Variants in DLGAP5 observed in about 807,000 individuals in gnomAD.
DLGAP5 encodes the protein DLG associated protein 5, also known as disks large-associated protein 5.
Under a neutral mutation model 99.6 loss-of-function variants are expected in DLGAP5, and 90 were observed. That is an observed-to-expected ratio of 0.90 (90% CI 0.76 to 1.08). The LOEUF (loss-of-function observed/expected upper bound fraction) is 1.08. DLGAP5 is among the 50% of genes least tolerant of loss of function. The probability of loss-of-function intolerance (pLI) is 0.00; values close to 1 mark genes in which losing one functional copy is unlikely to be tolerated. For synonymous variants in DLGAP5, 311 were observed against 321.3 expected, an observed-to-expected ratio of 0.97 and a Z score of 0.34; for missense variants, 1,036 against 983.5, an observed-to-expected ratio of 1.05 and a Z score of -0.71.
chr14:55,148,189 T>G lies in DLGAP5; in HGVS notation c.*162A>C, dbSNP rs2140300474. The G allele has an allele frequency of 1.4e-6, 1 of 709,158 alleles. No individual in the cohort carries two copies. The highest frequency in any genetic ancestry group is 2.9e-5 in the East Asian group (1 of 34,640). The allele number at this position is 709,158 out of a possible 1,614,324, so 43.9% of individuals were successfully genotyped here. ...ATGTACAAAATATCCCCACTTCCCT[T>G]GAGAAAGAGTATATCTAAAATACAC... On this transcript the variant is annotated 3_prime_UTR_variant, in exon 19 of 19. Coordinates refer to ENST00000247191, the MANE Select transcript of DLGAP5 (RefSeq NM_014750.5).
intron 15 of DLGAP5, among the ~76,000 whole-genome samples, 193 bp downstream of exon 15, chr14:55,154,424 G>A (rs773276286): frequency 1.3e-4 from 20 of 152,070 alleles, no homozygotes; most frequent in African/African-American, 1.7e-4. Flanking sequence ...CCAACTAAAC[G>A]TGACCATTTA....
intron 10 of DLGAP5, among the ~76,000 whole-genome samples, chr14:55,173,264 C>G (rs1307071842): frequency 8.6e-6 from 1 of 116,198 alleles, no homozygotes; most frequent in African/African-American, 3.8e-5. Flanking sequence ...ATAAGACCCC[C>G]GTCTCTACAA....
chr14:55,167,893 A>C (rs1216702968), intron 12 of DLGAP5, among the ~76,000 whole-genome samples: 1 of 152,178 alleles, frequency 6.6e-6, no homozygotes, highest in Non-Finnish European at 1.5e-5. Flanking sequence ...TCTTTATCCC[A>C]GAGTTACATA....
chr14:55,151,887 A>G lies in DLGAP5; in HGVS notation c.2176T>C (p.Leu726=). ...GCTACTCCACCAGCAAGAAGAGGCA[A>G]ACTCATTCTCTCACTGGATAAACAA... is the stretch of plus-strand genomic sequence containing the variant. ...VDCLSSERMS[L]PLLAGGVADD... is the part of the protein sequence containing the mutation. The change falls in exon 17 of 19, where the codon TTG becomes CTG. Residue 726 remains leucine, a synonymous_variant. Transcript: ENST00000247191. 1 of 1,613,974 alleles carries G rather than the reference A, an allele frequency of 6.2e-7. No homozygotes were observed.
At chr14:55,153,946 C>G (rs567954855) in intron 15 of DLGAP5, among the ~76,000 whole-genome samples, 16 of 152,218 alleles carry the variant, frequency 1.1e-4, no homozygotes, top group African/African-American at 3.6e-4. Flanking sequence ...GTCCTAGCTA[C>G]TCGGGAGGCT....
At chr14:55,176,674 G>C (rs998054989) in intron 8 of DLGAP5, among the ~76,000 whole-genome samples, 1 of 151,854 alleles carries the variant, frequency 6.6e-6, no homozygotes, top group Admixed American at 6.6e-5. Flanking sequence ...TAAGAGCATA[G>C]ACCAAATATA....
At chr14:55,166,027 A>G (rs1882631664) in intron 12 of DLGAP5, among the ~76,000 whole-genome samples, 1 of 152,236 alleles carries the variant, frequency 6.6e-6, no homozygotes, top group South Asian at 2.1e-4. Flanking sequence ...TAAATTTACA[A>G]TATGACCTAC....
In DLGAP5 at chr14:55,162,009, T is replaced by C. The variant is rs560302712; in HGVS notation, c.1653+962A>G. Among the ~76,000 whole-genome samples, 13 of 150,520 alleles carry C rather than the reference T, an allele frequency of 8.6e-5. No individual in the cohort carries two copies. In the South Asian group the frequency reaches 2.7e-3, roughly 32 times the overall value. ...ATTACATAGTATAATAAAATACCAA[T>C]CTAGACAACCTGAGTTTATAACTAC... is the stretch of plus-strand genomic sequence containing the variant. On this transcript the variant is annotated intron_variant, in intron 13 of 18. Transcript: ENST00000247191.
At chr14:55,176,853 C>T (rs1883079238) in intron 8 of DLGAP5, among the ~76,000 whole-genome samples, 1 of 151,802 alleles carries the variant, frequency 6.6e-6, no homozygotes, top group Non-Finnish European at 1.5e-5. Context: ...TGACGGGCGC[C>T]TGTAGTCCCA....
intron 15 of DLGAP5, among the ~76,000 whole-genome samples, chr14:55,153,053 A>G (rs1030792315): frequency 6.6e-6 from 1 of 152,202 alleles, no homozygotes; most frequent in South Asian, 2.1e-4. Context: ...TAATCCAGGT[A>G]CCTGCTAAGA....
At chr14:55,162,448 T>C (rs145699001) in intron 13 of DLGAP5, among the ~76,000 whole-genome samples, 1 of 151,842 alleles carries the variant, frequency 6.6e-6, no homozygotes, top group African/African-American at 2.4e-5. Context: ...TGAAACCCCG[T>C]CTCTACTAAA....
chr14:55,187,385 C>T (rs1210921475), intron 2 of DLGAP5, among the ~76,000 whole-genome samples: 2 of 140,950 alleles, frequency 1.4e-5, no homozygotes, highest in African/African-American at 5.5e-5. Flanking sequence ...ATAGCGTGAT[C>T]TCAGCTAACT....
At chr14:55,169,175 C>CAA (rs34906311) in intron 12 of DLGAP5, among the ~76,000 whole-genome samples, 909 of 63,308 alleles carry the variant, frequency 0.014, 29 homozygotes, top group African/African-American at 0.037. Context: ...GACTCCGTCT[C>CAA]AAAAAAAAAA....
chr14:55,182,348 A>G, intron 4 of DLGAP5, 22 bp downstream of exon 4: 1 of 1,592,932 alleles, frequency 6.3e-7, no homozygotes. Flanking sequence ...TTTTAGTAAC[A>G]ATTATCTACT....
chr14:55,173,617 A>G (rs1256052623), intron 10 of DLGAP5, among the ~76,000 whole-genome samples: 1 of 151,264 alleles, frequency 6.6e-6, no homozygotes, highest in Non-Finnish European at 1.5e-5. Flanking sequence ...ATATATATAT[A>G]CATGTTGCAG....
At chr14:55,176,885 G>C (rs1035064641) in intron 8 of DLGAP5, among the ~76,000 whole-genome samples, 177 bp downstream of exon 8, 2 of 138,992 alleles carry the variant, frequency 1.4e-5, no homozygotes, top group African/African-American at 2.7e-5. Context: ...GGCTGAGGCA[G>C]AAGAATGGCG....
intron 14 of DLGAP5, among the ~76,000 whole-genome samples, chr14:55,156,903 G>A (rs1187657828): frequency 1.3e-5 from 2 of 152,216 alleles, no homozygotes; most frequent in Non-Finnish European, 2.9e-5. Flanking sequence ...TAGCCAGCAT[G>A]AAAGTTGAGG....
At chr14:55,174,535 C>T (rs151292121) in intron 10 of DLGAP5, among the ~76,000 whole-genome samples, 282 of 152,252 alleles carry the variant, frequency 1.9e-3, no homozygotes, top group Non-Finnish European at 3.2e-3. Context: ...TGGGGCATCA[C>T]GGAACCTACC....
chr14:55,178,460 G>A (rs1392966378), intron 7 of DLGAP5, among the ~76,000 whole-genome samples: 1 of 152,152 alleles, frequency 6.6e-6, no homozygotes, highest in Non-Finnish European at 1.5e-5. Flanking sequence ...TTGTTACTTG[G>A]TATTTAAATA....
Sources: gnomAD v4.1 joint callset for allele counts (sites outside exome capture counted in the v4.1 genomes callset) on GRCh38, gnomAD v4.1.1 for gene constraint, MANE v1.5 for transcripts, NCBI Gene and HGNC (gene_info 2026-07-23, HGNC 2026-07-21) for gene names.